The following ARMH1 variants were observed in gnomAD, a reference collection of about 807,000 sequenced individuals.
ARMH1 encodes the protein armadillo-like helical domain containing protein 1.
A neutral mutation model predicts 50.2 loss-of-function variants in ARMH1; 34 were observed. The ratio of observed to expected loss-of-function variants is 0.68; its 90% CI spans 0.51 to 0.90. The LOEUF (loss-of-function observed/expected upper bound fraction) is 0.90, where lower values mean the gene tolerates loss of function less well. Ranked by LOEUF, ARMH1 falls within the 40% of genes least tolerant of loss-of-function variation. ARMH1 has a pLI of 0.00. For synonymous variants in ARMH1, 221 were observed against 224.2 expected, an observed-to-expected ratio of 0.99 and a Z score of 0.13; for missense variants, 538 against 553.9, an observed-to-expected ratio of 0.97 and a Z score of 0.29.
chr1:44,708,218 C>T (rs768425621), intron 6 of ARMH1, among the ~76,000 whole-genome samples: 8 of 152,052 alleles, frequency 5.3e-5, no homozygotes, highest in South Asian at 4.1e-4. Flanking sequence ...AGTGGGTGAC[C>T]GGAGAGGATT....
In ARMH1 at chr1:44,724,996, G is replaced by T; in HGVS notation, c.1129-140G>T. On this transcript the variant is annotated intron_variant, in intron 10 of 11. Coordinates refer to ENST00000535358, the MANE Select transcript of ARMH1 (RefSeq NM_001145636.2). This position sits in a 1 kb window ranked among gnomAD's most constrained non-coding sequence, Gnocchi z 6.4. ...TGCTCTGGCGTAGGCTCCTCCACCC[G>T]CCACCTTCCTGTTCCCTTTCCTGCC... The T allele has an allele frequency of 6.7e-7, 1 of 1,503,086 alleles. No individual in the cohort carries two copies. Among genetic ancestry groups the T allele is most frequent in the Non-Finnish European group, 8.9e-7 (1 of 1,123,024 alleles). The allele number at this position is 1,503,086 out of a possible 1,614,324, so 93.1% of individuals were successfully genotyped here.
intron 6 of ARMH1, among the ~76,000 whole-genome samples, chr1:44,722,887 A>G (rs1333077231): frequency 7.7e-6 from 1 of 130,168 alleles, no homozygotes; most frequent in Non-Finnish European, 1.6e-5. Context: ...GTGAAACCCC[A>G]TCTCTACTAA....
chr1:44,714,136 G>A (rs1014645296), intron 6 of ARMH1, among the ~76,000 whole-genome samples: 1 of 152,038 alleles, frequency 6.6e-6, no homozygotes, highest in African/African-American at 2.4e-5. Flanking sequence ...CGGGCGTGGT[G>A]GCGGGTGCTT....
intron 2 of ARMH1, among the ~76,000 whole-genome samples, chr1:44,696,669 C>A (rs1373238732): frequency 6.6e-6 from 1 of 152,066 alleles, no homozygotes. Flanking sequence ...TGAACAAGTA[C>A]AAAAATTGAG....
intron 4 of ARMH1, among the ~76,000 whole-genome samples, chr1:44,699,806 A>C (rs1488253451): frequency 6.8e-6 from 1 of 147,908 alleles, no homozygotes; most frequent in Non-Finnish European, 1.5e-5. Flanking sequence ...CATCCCCCAC[A>C]TCTCCCTTTT....
Position 44,702,710 on chromosome 1 carries a change from CAAAAAAA to C in ARMH1, c.640-1367_640-1361del, listed in dbSNP as rs11449439. ...CTGGAGACACAGCGAGACTCCATCT[CAAAAAAA>C]AAAAAAAAAAAGAAAAGAAAAGAAA... On this transcript the variant is annotated intron_variant, in intron 5 of 11. Coordinates refer to ENST00000535358, the MANE Select transcript of ARMH1 (RefSeq NM_001145636.2). 1.1e-4 allele frequency among the ~76,000 whole-genome samples: 10 copies of C among 90,022 alleles called. No homozygotes were observed. The Admixed American group carries it at 1.2e-3, about 11-fold the overall frequency. The allele number at this position is 90,022 out of a possible 152,430, so 59.1% of individuals were successfully genotyped here. A position where few individuals can be genotyped will look rare whatever the true frequency, so the allele number is the denominator to read the frequency against.
intron 1 of ARMH1, among the ~76,000 whole-genome samples, chr1:44,689,463 A>G (rs918775651): frequency 6.6e-6 from 1 of 152,176 alleles, no homozygotes; most frequent in Non-Finnish European, 1.5e-5. Context: ...AAGAGCAGAC[A>G]TTTAGCACAC....
chr1:44,721,528 T>C (rs1047793837), intron 6 of ARMH1, among the ~76,000 whole-genome samples: 3 of 152,130 alleles, frequency 2.0e-5, no homozygotes, highest in Non-Finnish European at 2.9e-5. Context: ...AAAAAAATCT[T>C]ATAAACATTT....
chr1:44,708,171 A>G (rs1466731276), intron 6 of ARMH1, among the ~76,000 whole-genome samples: 1 of 152,218 alleles, frequency 6.6e-6, no homozygotes, highest in Non-Finnish European at 1.5e-5. Context: ...GAGGGAGGGA[A>G]GGAAAGTTCC....
In ARMH1 at chr1:44,698,879, G is replaced by A. The variant is rs558458213; in HGVS notation, c.442+650G>A. Among the ~76,000 whole-genome samples the A allele has an allele frequency of 2.2e-4, 33 of 151,892 alleles. No homozygotes were observed. The South Asian group carries it at 6.2e-3, about 29-fold the overall frequency. On this transcript the variant is annotated intron_variant, in intron 4 of 11. Coordinates refer to ENST00000535358, the MANE Select transcript of ARMH1 (RefSeq NM_001145636.2). ...AATAAAATTGAAGGCCAGACGCAGT[G>A]GTTCACACCTGTAATCCCAGCACTT...
intron 6 of ARMH1, among the ~76,000 whole-genome samples, chr1:44,720,679 C>T (rs1573491697): frequency 6.6e-6 from 1 of 152,244 alleles, no homozygotes; most frequent in East Asian, 1.9e-4. Context: ...AGGCCAGGGG[C>T]AGCTTCCTGA....
intron 5 of ARMH1, among the ~76,000 whole-genome samples, chr1:44,703,148 T>C (rs1015842755): frequency 3.9e-5 from 6 of 152,202 alleles, no homozygotes; most frequent in Non-Finnish European, 5.9e-5. Context: ...GGGGGCTGTC[T>C]GATGGGATGA....
At chr1:44,690,174 T>C (rs964303174) in intron 2 of ARMH1, among the ~76,000 whole-genome samples, 3 of 152,024 alleles carry the variant, frequency 2.0e-5, no homozygotes, top group Non-Finnish European at 4.4e-5. Context: ...GCCGAGATCA[T>C]GCCACTGCAC....
intron 1 of ARMH1, among the ~76,000 whole-genome samples, chr1:44,685,862 G>A (rs1346972953): frequency 3.3e-5 from 5 of 152,076 alleles, no homozygotes; most frequent in African/African-American, 4.8e-5. Flanking sequence ...TCTTGACCTC[G>A]TGATCTGCCT....
intron 10 of ARMH1, 85 bp from the exon 11 acceptor site, chr1:44,725,051 A>G: frequency 6.5e-7 from 1 of 1,536,976 alleles, no homozygotes; most frequent in Non-Finnish European, 8.8e-7. Context: ...CCCGCCCCCC[A>G]CCTGCAACAT....
chr1:44,715,252 C>G (rs567093432), intron 6 of ARMH1, among the ~76,000 whole-genome samples: 55 of 152,294 alleles, frequency 3.6e-4, no homozygotes, highest in Non-Finnish European at 5.7e-4. Flanking sequence ...GCTGTTAGCA[C>G]CCTGGAAATG....
chr1:44,702,796 G>GA (rs1646150240), intron 5 of ARMH1, among the ~76,000 whole-genome samples: 1 of 152,122 alleles, frequency 6.6e-6, no homozygotes. Flanking sequence ...AAAATCAAGG[G>GA]AAAAGAGTTT....
chr1:44,721,896 A>G (rs551119358), intron 6 of ARMH1: 9 of 152,340 alleles, frequency 5.9e-5, no homozygotes, highest in South Asian at 4.1e-4. Context: ...AAGAGAAACC[A>G]GAGATCTGCC....
Position 44,724,153 on chromosome 1 carries a change from C to G in ARMH1, c.756C>G (p.Tyr252Ter). The G allele has an allele frequency of 1.3e-6, 2 of 1,551,724 alleles. No individual in the cohort carries two copies. The highest frequency in any genetic ancestry group is 1.2e-5 in the South Asian group (1 of 84,054). Residue 252 changes from tyrosine (Y) to a stop codon, truncating the protein, a stop_gained, in exon 7 of 12, where the codon TAC (tyrosine) becomes TAG (stop). Coordinates refer to ENST00000535358, the MANE Select transcript of ARMH1 (RefSeq NM_001145636.2). LOFTEE classifies it high-confidence loss of function. The surrounding 1 kb of genome is among the most constrained non-coding windows in gnomAD (Gnocchi z 6.4). Reference protein sequence around the residue: ...AIELIKDLVGYDVRQALLKGL... With the variant: ...AIELIKDLVG ...AGTTGATCAAAGACCTGGTCGGTTA[C>G]GATGTGCGCCAGGCGCTGCTCAAGG...
Sources: allele counts gnomAD v4.1 joint callset (sites outside exome capture counted in the v4.1 genomes callset), GRCh38; gene constraint gnomAD v4.1.1; non-coding constraint Gnocchi (gnomAD v3.1); transcripts MANE v1.5; gene names NCBI Gene and HGNC (gene_info 2026-07-23, HGNC 2026-07-21).